Variants in FAM81A observed in about 807,000 individuals in gnomAD.
The protein encoded by FAM81A is family with sequence similarity 81 member A.
FAM81A carries 19 observed loss-of-function variants against 46.7 expected under a neutral mutation model. The observed-to-expected ratio is 0.41, with a 90% CI of 0.28 to 0.60. FAM81A has a LOEUF of 0.60. Ranked by LOEUF, FAM81A falls within the 20% of genes least tolerant of loss-of-function variation. The pLI is 0.34. For synonymous variants in FAM81A, 183 were observed against 152.9 expected, an observed-to-expected ratio of 1.20 and a Z score of -1.45; for missense variants, 377 against 453.5, an observed-to-expected ratio of 0.83 and a Z score of 1.53.
intron 3 of FAM81A, among the ~76,000 whole-genome samples, chr15:59,482,070 A>T (rs192238977): frequency 1.3e-5 from 2 of 152,066 alleles, no homozygotes; most frequent in East Asian, 3.9e-4. Context: ...AACATCCCAC[A>T]CCAGAGTGGT....
At chr15:59,493,941 C>A (rs971732787) in intron 4 of FAM81A, among the ~76,000 whole-genome samples, 4 of 152,154 alleles carry the variant, frequency 2.6e-5, no homozygotes, top group Admixed American at 2.0e-4. Context: ...TGAAGTGTCA[C>A]CCCCTCTGGG....
chr15:59,515,222 C>T (rs532552217), intron 7 of FAM81A, among the ~76,000 whole-genome samples: 5 of 152,106 alleles, frequency 3.3e-5, no homozygotes, highest in South Asian at 2.1e-4. Flanking sequence ...CCAGCCTGGG[C>T]GACAGAGTGA....
chr15:59,457,828 G>A (rs1235703080), intron 1 of FAM81A, among the ~76,000 whole-genome samples: 1 of 152,098 alleles, frequency 6.6e-6, no homozygotes, highest in Non-Finnish European at 1.5e-5. Context: ...ATAGTTAGTA[G>A]GCATTCATTA....
chr15:59,400,919 C>A (rs906349375), intron 1 of FAM81A, among the ~76,000 whole-genome samples: 3 of 152,142 alleles, frequency 2.0e-5, no homozygotes. Flanking sequence ...GGTGATTCTT[C>A]CAGCTAAAGG....
chr15:59,435,840 A>G (rs1426557465), upstream of FAM81A, among the ~76,000 whole-genome samples: 1 of 152,208 alleles, frequency 6.6e-6, no homozygotes, highest in Non-Finnish European at 1.5e-5. Flanking sequence ...CATCTCCTGT[A>G]ATGAGTTACA....
chr15:59,433,140 CAAAA>C lies in FAM81A; in HGVS notation c.-77-25387_-77-25384del, dbSNP rs552850890. The stretch of plus-strand genomic sequence containing the variant: ...CTGGGCACAGAGCGAGACTCCGTCT[CAAAA>C]AAAAAAAAAAAAAAAAAAAAAATCA... On this transcript the variant is annotated intron_variant, in intron 2 of 4. Coordinates refer to the FAM81A transcript ENST00000558348. 3.4e-3 allele frequency among the ~76,000 whole-genome samples: 143 copies of C among 42,258 alleles called. 1 individual carries two copies. Among genetic ancestry groups the C allele is most frequent in the Middle Eastern group, 0.015 (1 of 68 alleles). The allele number at this position is 42,258 out of a possible 152,430, so 27.7% of individuals were successfully genotyped here.
chr15:59,473,903 C>T (rs1293565090), intron 3 of FAM81A, among the ~76,000 whole-genome samples: 3 of 152,156 alleles, frequency 2.0e-5, no homozygotes, highest in Non-Finnish European at 4.4e-5. Context: ...TCTTGAACTC[C>T]TGGGCCCAAG....
At chr15:59,421,434 G>T (rs1378017493) in intron 2 of FAM81A, among the ~76,000 whole-genome samples, 2 of 152,152 alleles carry the variant, frequency 1.3e-5, no homozygotes, top group African/African-American at 4.8e-5. Flanking sequence ...GCGTATAGCA[G>T]GAGCGTATAT....
chr15:59,475,300 A>C (rs1321436356), intron 3 of FAM81A, among the ~76,000 whole-genome samples: 32 of 151,638 alleles, frequency 2.1e-4, no homozygotes, highest in Non-Finnish European at 7.4e-5. Flanking sequence ...ACACCACCAC[A>C]CCCGGCTGAT....
upstream of FAM81A, among the ~76,000 whole-genome samples, chr15:59,435,010 C>T (rs192259110): frequency 6.6e-6 from 1 of 152,322 alleles, no homozygotes; most frequent in East Asian, 1.9e-4. Context: ...CAATTTCAGC[C>T]GGGCTTGGTG....
chr15:59,442,263 A>G (rs1192673443), intron 1 of FAM81A, among the ~76,000 whole-genome samples: 2 of 152,184 alleles, frequency 1.3e-5, no homozygotes, highest in African/African-American at 4.8e-5. Flanking sequence ...TGGCTTCTGT[A>G]ATCATTTTTC....
At chr15:59,486,832 A>G (rs1351422540) in intron 3 of FAM81A, among the ~76,000 whole-genome samples, 1 of 152,186 alleles carries the variant, frequency 6.6e-6, no homozygotes, top group Admixed American at 6.5e-5. Context: ...TTCCCAGACA[A>G]ACAAAAGCTG....
chr15:59,427,047 T>G (rs903090095), intron 2 of FAM81A, among the ~76,000 whole-genome samples: 1 of 152,248 alleles, frequency 6.6e-6, no homozygotes, highest in East Asian at 1.9e-4. Context: ...TGTTTCTGTT[T>G]CTTTCTCCCA....
intron 2 of FAM81A, among the ~76,000 whole-genome samples, chr15:59,421,990 A>T (rs531429760): frequency 1.7e-4 from 26 of 152,270 alleles, no homozygotes; most frequent in African/African-American, 6.0e-4. Flanking sequence ...GAAAGTTCAT[A>T]TGGCCATATC....
At chr15:59,489,028 G>A (rs1243681939) in intron 3 of FAM81A, among the ~76,000 whole-genome samples, 2 of 152,170 alleles carry the variant, frequency 1.3e-5, no homozygotes, top group South Asian at 2.1e-4. Flanking sequence ...CACTTTGGGA[G>A]GCTGAGGCAG....
chr15:59,521,175 C>A, intron 8 of FAM81A, 79 bp from the exon 9 acceptor site: 1 of 1,449,574 alleles, frequency 6.9e-7, no homozygotes. Flanking sequence ...CCTGAATCAA[C>A]CATTACTAGA....
chr15:59,456,892 T>C (rs1020750519), intron 1 of FAM81A, among the ~76,000 whole-genome samples: 1 of 152,214 alleles, frequency 6.6e-6, no homozygotes, highest in Non-Finnish European at 1.5e-5. Context: ...CATTGTTTTC[T>C]GGTTGGTTTA....
Position 59,450,719 on chromosome 15 carries a change from AT to A in FAM81A, c.-77-7829del, listed in dbSNP as rs565318592. Among the ~76,000 whole-genome samples the A allele has an allele frequency of 3.9e-4, 59 of 152,358 alleles. 2 individuals carry two copies. Among genetic ancestry groups the A allele is most frequent in the Admixed American group, 3.2e-3 (49 of 15,300 alleles). On this transcript the variant is annotated intron_variant, in intron 1 of 8. Transcript: ENST00000288228. ...ATTAAGAACAACAACAACAAAACTT[AT>A]TCAAGTTCTTACCCTTCAATATTCT...
chr15:59,449,509 C>T (rs538177064), intron 1 of FAM81A, among the ~76,000 whole-genome samples: 9 of 152,208 alleles, frequency 5.9e-5, no homozygotes, highest in South Asian at 4.1e-4. Flanking sequence ...AGGCCGGGCA[C>T]GGTGGCTCAC....
Sources: gnomAD v4.1 joint callset for allele counts (sites outside exome capture counted in the v4.1 genomes callset) on GRCh38, gnomAD v4.1.1 for gene constraint, MANE v1.5 for transcripts, NCBI Gene and HGNC (gene_info 2026-07-23, HGNC 2026-07-21) for gene names.